SAMMSON: variants seen among roughly 807,000 people sequenced by gnomAD.
SAMMSON encodes the protein survival associated mitochondrial melanoma specific oncogenic non-coding RNA.
intron 9 of SAMMSON, among the ~76,000 whole-genome samples, chr3:70,369,888 C>T (rs991642752): frequency 1.3e-5 from 2 of 151,768 alleles, no homozygotes; most frequent in African/African-American, 4.8e-5. Flanking sequence ...TTATAATACT[C>T]TGCTGTTGAA....
intron 2 of SAMMSON, among the ~76,000 whole-genome samples, chr3:70,418,030 GTT>G: frequency 6.6e-6 from 1 of 152,320 alleles, no homozygotes; most frequent in Non-Finnish European, 1.5e-5. Flanking sequence ...CATCCCTGAA[GTT>G]TCTGTCCCAG....
chr3:70,421,273 A>T (rs1252799319), intron 2 of SAMMSON, among the ~76,000 whole-genome samples: 1 of 152,134 alleles, frequency 6.6e-6, no homozygotes, highest in Non-Finnish European at 1.5e-5. Context: ...GCTGAAATTT[A>T]AAAAATTGTA....
intron 4 of SAMMSON, among the ~76,000 whole-genome samples, chr3:70,203,297 A>C (rs992775211): frequency 1.3e-5 from 2 of 152,174 alleles, no homozygotes; most frequent in Non-Finnish European, 2.9e-5. Context: ...ACTGATTACT[A>C]AAAGTTTCCA....
chr3:70,282,575 C>G (rs1702098972), intron 6 of SAMMSON, among the ~76,000 whole-genome samples: 1 of 152,184 alleles, frequency 6.6e-6, no homozygotes. Flanking sequence ...TCTCCTGAAT[C>G]AGGAACTTTG....
At chr3:70,377,484 G>A (rs1285071707) in intron 9 of SAMMSON, among the ~76,000 whole-genome samples, 2 of 151,996 alleles carry the variant, frequency 1.3e-5, no homozygotes, top group Non-Finnish European at 2.9e-5. Context: ...AAGATAAATA[G>A]AAATAAATTC....
intron 3 of SAMMSON, among the ~76,000 whole-genome samples, chr3:70,045,011 TATATA>T (rs1227658343): frequency 7.7e-5 from 10 of 130,010 alleles, no homozygotes; most frequent in South Asian, 4.5e-4. Flanking sequence ...TAATTATATA[TATATA>T]ATTAATTATA....
intron 4 of SAMMSON, among the ~76,000 whole-genome samples, chr3:70,174,594 T>A (rs1373724925): frequency 6.6e-6 from 1 of 152,040 alleles, no homozygotes; most frequent in Non-Finnish European, 1.5e-5. Flanking sequence ...GAGAGGTACT[T>A]CATGGTGTCT....
intron 7 of SAMMSON, among the ~76,000 whole-genome samples, chr3:70,337,745 C>T (rs1702676632): frequency 6.6e-6 from 1 of 151,864 alleles, no homozygotes; most frequent in Non-Finnish European, 1.5e-5. Flanking sequence ...ATGAAATCCA[C>T]TACTCATGTA....
chr3:70,029,889 G>A (rs550999565), intron 3 of SAMMSON, among the ~76,000 whole-genome samples: 69 of 152,192 alleles, frequency 4.5e-4, no homozygotes, highest in African/African-American at 1.5e-3. Context: ...AGTATCGTTT[G>A]CATTAGAAAT....
chr3:70,124,526 C>A (rs181076013), intron 4 of SAMMSON, among the ~76,000 whole-genome samples: 1 of 151,928 alleles, frequency 6.6e-6, no homozygotes, highest in African/African-American at 2.4e-5. Flanking sequence ...AAATACTGTA[C>A]CTGTGGCCGA....
At chr3:70,305,698 A>G (rs897277985) in intron 7 of SAMMSON, among the ~76,000 whole-genome samples, 3 of 152,212 alleles carry the variant, frequency 2.0e-5, no homozygotes, top group Non-Finnish European at 2.9e-5. Flanking sequence ...AATGTTCATG[A>G]TCCAAAATTA....
intron 6 of SAMMSON, among the ~76,000 whole-genome samples, chr3:70,256,871 A>C (rs889158388): frequency 1.3e-5 from 2 of 152,190 alleles, no homozygotes; most frequent in Admixed American, 1.3e-4. Context: ...AGCTTAAATA[A>C]ACTTCTGTAG....
At chr3:70,428,580 A>C (rs1701390042) in intron 2 of SAMMSON, among the ~76,000 whole-genome samples, 1 of 152,362 alleles carries the variant, frequency 6.6e-6, no homozygotes, top group South Asian at 2.1e-4. Flanking sequence ...TTGTATTCTA[A>C]AAATGTGATT....
At chr3:70,129,693 G>A (rs1559520111) in intron 4 of SAMMSON, among the ~76,000 whole-genome samples, 1 of 152,054 alleles carries the variant, frequency 6.6e-6, no homozygotes, top group Non-Finnish European at 1.5e-5. Flanking sequence ...ACATATCTCT[G>A]AGCTAGTTGC....
rs749737655 is a variant in SAMMSON at position 70,316,053 on chromosome 3, T to C, written n.739+24810T>C. Among the ~76,000 whole-genome samples, 9 of 152,254 alleles carry C rather than the reference T, an allele frequency of 5.9e-5. No homozygotes were observed. The South Asian group carries it at 1.9e-3, about 32-fold the overall frequency. On this transcript the variant is annotated intron_variant and non_coding_transcript_variant, in intron 7 of 9. Coordinates refer to ENST00000642114, the Ensembl canonical transcript of SAMMSON. ...TGTACACTTCTTTTTATAATTCTGT[T>C]CCCTTTATTTTGACTCAAGCCTCAG...
intron 4 of SAMMSON, among the ~76,000 whole-genome samples, chr3:70,202,026 G>A (rs1399190909): frequency 1.3e-5 from 2 of 152,108 alleles, no homozygotes; most frequent in Non-Finnish European, 2.9e-5. Flanking sequence ...CTGTGGCTCT[G>A]GCTAACCACA....
intron 3 of SAMMSON, among the ~76,000 whole-genome samples, chr3:70,040,641 A>T (rs1330148121): frequency 6.6e-6 from 1 of 152,126 alleles, no homozygotes; most frequent in African/African-American, 2.4e-5. Flanking sequence ...CTGCAGTAAG[A>T]GAGATGAGAA....
intron 3 of SAMMSON, among the ~76,000 whole-genome samples, chr3:70,023,480 T>G (rs1455751911): frequency 2.0e-5 from 3 of 151,904 alleles, no homozygotes; most frequent in African/African-American, 7.3e-5. Context: ...AAAAGTTTCT[T>G]TATTTCTTTA....
chr3:70,381,280 G>T (rs1362603392), intron 9 of SAMMSON, among the ~76,000 whole-genome samples: 2 of 152,070 alleles, frequency 1.3e-5, no homozygotes, highest in African/African-American at 4.8e-5. Flanking sequence ...TAGTTGATGA[G>T]GGAAAATTCT....
Sources: gnomAD v4.1 joint callset for allele counts (sites outside exome capture counted in the v4.1 genomes callset) on GRCh38, gnomAD v4.1.1 for gene constraint, MANE v1.5 for transcripts, NCBI Gene and HGNC (gene_info 2026-07-23, HGNC 2026-07-21) for gene names.